The following MAML3 variants were observed in gnomAD, a reference collection of about 807,000 sequenced individuals.
The protein encoded by MAML3 is mastermind-like protein 3.
MAML3 carries 27 observed loss-of-function variants against 101.9 expected under a neutral mutation model. That is an observed-to-expected ratio of 0.27 (90% CI 0.20 to 0.37). The LOEUF (loss-of-function observed/expected upper bound fraction) is 0.37, where lower values mean the gene tolerates loss of function less well. Among genes scored for constraint, MAML3 ranks in the 10% least tolerant of loss-of-function variants. The probability of loss-of-function intolerance (pLI) is 1.00; values close to 1 mark genes in which losing one functional copy is unlikely to be tolerated. For synonymous variants in MAML3, 501 were observed against 555.9 expected, an observed-to-expected ratio of 0.90 and a Z score of 1.39; for missense variants, 1,316 against 1,444.9, an observed-to-expected ratio of 0.91 and a Z score of 1.45.
intron 1 of MAML3, among the ~76,000 whole-genome samples, chr4:140,011,505 C>T (rs1726562910): frequency 6.7e-6 from 1 of 149,606 alleles, no homozygotes; most frequent in Non-Finnish European, 1.5e-5. Flanking sequence ...CCACCGCGCC[C>T]GGCTAATTTT....
At chr4:139,911,283 T>C (rs1578593111) in intron 1 of MAML3, among the ~76,000 whole-genome samples, 1 of 151,652 alleles carries the variant, frequency 6.6e-6, no homozygotes, top group Non-Finnish European at 1.5e-5. Context: ...AGTGGCGTAA[T>C]CTCAGCTCAT....
At chr4:140,109,560 C>G (rs1369875342) in intron 1 of MAML3, among the ~76,000 whole-genome samples, 1 of 152,180 alleles carries the variant, frequency 6.6e-6, no homozygotes, top group East Asian at 1.9e-4. Flanking sequence ...AGCCACGCAA[C>G]ACCCAGAAAC....
intron 1 of MAML3, among the ~76,000 whole-genome samples, chr4:139,992,112 G>GT (rs912676307): frequency 2.0e-5 from 3 of 152,134 alleles, no homozygotes; most frequent in Non-Finnish European, 2.9e-5. Context: ...TATAAATGTA[G>GT]TTTTTTGTAT....
rs528740017 is a variant in MAML3 at position 139,890,865 on chromosome 4, G to A, written c.571C>T (p.Arg191Ter). 1.2e-6 allele frequency: 2 copies of A among 1,613,866 alleles called. No homozygotes were observed. The highest frequency in any genetic ancestry group is 1.7e-6 in the Non-Finnish European group (2 of 1,179,828). Residue 191 changes from arginine to a stop codon, truncating the protein, a stop_gained, in exon 2 of 5, where the codon CGA becomes TGA. Transcript: ENST00000509479. LOFTEE classifies it high-confidence loss of function. The surrounding 1 kb of genome is among the most constrained non-coding windows in gnomAD (Gnocchi z 4.1). Reference sequence around the variant, plus strand: ...CCCGCAGAAATGTCCTTTCGAATTCGTTTGCTAGTCGGAGAAAAATTCCCA... The same window carrying A: ...CCCGCAGAAATGTCCTTTCGAATTCATTTGCTAGTCGGAGAAAAATTCCCA... Reference protein sequence around the residue: ...CDGNFSPTSKRIRKDISAGME... With the variant: ...CDGNFSPTSK
At chr4:139,960,087 G>A (rs1733985373) in intron 1 of MAML3, among the ~76,000 whole-genome samples, 1 of 152,146 alleles carries the variant, frequency 6.6e-6, no homozygotes, top group East Asian at 1.9e-4. Context: ...GTGATGGTTT[G>A]AGGTCATTCC....
Position 140,032,081 on chromosome 4 carries a change from C to T in MAML3, c.468+120779G>A, listed in dbSNP as rs146534524. 8.4e-3 allele frequency among the ~76,000 whole-genome samples: 1,277 copies of T among 152,304 alleles called. 29 individuals are homozygous for T. The highest frequency in any genetic ancestry group is 0.029 in the African/African-American group (1,222 of 41,550). Reference sequence around the variant, plus strand: ...AACTTGGATCTTAACTCTACTTAGCCTTAAATTTACCTGTCTGTGCACATT... The same window carrying T: ...AACTTGGATCTTAACTCTACTTAGCTTTAAATTTACCTGTCTGTGCACATT... On this transcript the variant is annotated intron_variant, in intron 1 of 4. Transcript: ENST00000509479.
chr4:140,019,995 G>T lies in MAML3; in HGVS notation c.469-129028C>A, dbSNP rs62347794. 1.5e-3 allele frequency among the ~76,000 whole-genome samples: 235 copies of T among 152,290 alleles called. 3 individuals carry two copies. Among genetic ancestry groups the T allele is most frequent in the Non-Finnish European group, 2.8e-3 (191 of 68,020 alleles). ...TGGAACACCAGTTCTGAGGGAGCTT[G>T]GTAGTCTTCCCTTCAACAAAGGCTT... On this transcript the variant is annotated intron_variant, in intron 1 of 4. Coordinates refer to ENST00000509479, the MANE Select transcript of MAML3 (RefSeq NM_018717.5).
chr4:140,038,838 A>G (rs1198618584), intron 1 of MAML3, among the ~76,000 whole-genome samples: 2 of 152,218 alleles, frequency 1.3e-5, no homozygotes, highest in Non-Finnish European at 2.9e-5. Context: ...CAGGAATAAT[A>G]CTAAGATAAG....
chr4:140,049,281 T>A (rs1727230172), intron 1 of MAML3, among the ~76,000 whole-genome samples: 1 of 151,886 alleles, frequency 6.6e-6, no homozygotes, highest in Non-Finnish European at 1.5e-5. Flanking sequence ...AAAGAAAAGG[T>A]GGGAGGGAGA....
At chr4:140,057,852 C>T (rs1366415339) in intron 1 of MAML3, among the ~76,000 whole-genome samples, 1 of 152,112 alleles carries the variant, frequency 6.6e-6, no homozygotes, top group Non-Finnish European at 1.5e-5. Flanking sequence ...TTCTAGTCTT[C>T]TTCCTCATTT....
In MAML3 at chr4:139,959,987, A is replaced by G. The variant is rs138949263; in HGVS notation, c.469-69020T>C. On this transcript the variant is annotated intron_variant, in intron 1 of 4. Coordinates refer to ENST00000509479, the MANE Select transcript of MAML3 (RefSeq NM_018717.5). ...CCTGGCATGTCATAGACACAGACAA[A>G]TTGAAAAGCAGAGACTATCATTTAG... 5.6e-4 allele frequency among the ~76,000 whole-genome samples: 85 copies of G among 152,294 alleles called. No homozygotes were observed. In the East Asian group the frequency reaches 8.7e-3, roughly 16 times the overall value.
At chr4:139,832,974 T>C (rs1159017827) in intron 2 of MAML3, among the ~76,000 whole-genome samples, 1 of 152,202 alleles carries the variant, frequency 6.6e-6, no homozygotes, top group Non-Finnish European at 1.5e-5. Flanking sequence ...AGCATAACAG[T>C]AATTTATGAT....
chr4:139,923,534 T>C (rs1474739578), intron 1 of MAML3, among the ~76,000 whole-genome samples: 1 of 152,172 alleles, frequency 6.6e-6, no homozygotes, highest in African/African-American at 2.4e-5. Context: ...TTCTGAAAAT[T>C]GATAAATGCC....
At chr4:140,126,692 A>C (rs1329401250) in intron 1 of MAML3, among the ~76,000 whole-genome samples, 1 of 152,126 alleles carries the variant, frequency 6.6e-6, no homozygotes, top group Non-Finnish European at 1.5e-5. Context: ...CTCTGGCTAA[A>C]CTCTAGTCCT....
chr4:139,748,053 T>TAAAAAA (rs34801574), intron 2 of MAML3, among the ~76,000 whole-genome samples: 2 of 95,534 alleles, frequency 2.1e-5, no homozygotes, highest in African/African-American at 4.0e-5. Flanking sequence ...AGACTTCGTC[T>TAAAAAA]AAAAAAAAAA....
intron 1 of MAML3, among the ~76,000 whole-genome samples, chr4:140,049,052 T>C (rs1451020347): frequency 6.6e-6 from 1 of 152,200 alleles, no homozygotes; most frequent in Non-Finnish European, 1.5e-5. Flanking sequence ...ACGTCTTTAT[T>C]CAGAGTTTGA....
chr4:139,796,626 C>T (rs765890342), intron 2 of MAML3, among the ~76,000 whole-genome samples: 20 of 152,054 alleles, frequency 1.3e-4, no homozygotes, highest in Non-Finnish European at 1.3e-4. Context: ...ATCAACCAAC[C>T]GATCAAGATG....
rs191193887 is a variant in MAML3, at chr4:140,012,959, G to A, written c.469-121992C>T. Among the ~76,000 whole-genome samples, 31 of 152,224 alleles carry A rather than the reference G, an allele frequency of 2.0e-4. No individual in the cohort carries two copies. In the East Asian group the frequency reaches 3.3e-3, roughly 16 times the overall value. On this transcript the variant is annotated intron_variant, in intron 1 of 4. Coordinates refer to ENST00000509479, the MANE Select transcript of MAML3 (RefSeq NM_018717.5). ...ACCCTGAGCAAAGAGATCAAGTGCC[G>A]GTATCCACGGAAATGACCTCTATCC...
At chr4:140,108,188 CTA>C (rs371369624) in intron 1 of MAML3, among the ~76,000 whole-genome samples, 1 of 152,024 alleles carries the variant, frequency 6.6e-6, no homozygotes, top group Non-Finnish European at 1.5e-5. Flanking sequence ...CCTCATTGTT[CTA>C]TGTCTCTACT....
Sources: gnomAD v4.1 joint callset for allele counts (sites outside exome capture counted in the v4.1 genomes callset) on GRCh38, gnomAD v4.1.1 for gene constraint, Gnocchi (gnomAD v3.1) non-coding constraint, MANE v1.5 for transcripts, NCBI Gene and HGNC (gene_info 2026-07-23, HGNC 2026-07-21) for gene names.